The following CDH13 variants were observed in gnomAD, a reference collection of about 807,000 sequenced individuals.
CDH13 encodes the protein cadherin 13.
Under a neutral mutation model 63.8 loss-of-function variants are expected in CDH13, and 24 were observed. That is an observed-to-expected ratio of 0.38 (90% CI 0.27 to 0.53). The LOEUF is 0.53. Ranked by LOEUF, CDH13 falls within the 20% of genes least tolerant of loss-of-function variation. The pLI is 0.85. For missense variants in CDH13, 1,049 were observed against 903.1 expected (o/e 1.16, Z -2.07); for synonymous variants, 503 against 355.3 (o/e 1.42, Z -4.67).
chr16:82,633,172 C>G (rs762868582), intron 1 of CDH13, among the ~76,000 whole-genome samples: 2 of 152,186 alleles, frequency 1.3e-5, no homozygotes, highest in Non-Finnish European at 2.9e-5. Flanking sequence ...CCCTGCTCTA[C>G]GTAGTGTTCT....
At chr16:83,472,636 C>T (rs1360907237) in intron 6 of CDH13, among the ~76,000 whole-genome samples, 2 of 152,256 alleles carry the variant, frequency 1.3e-5, no homozygotes, top group African/African-American at 4.8e-5. Flanking sequence ...TCTCTTCTGC[C>T]AGGTTGTTTC....
chr16:83,152,751 C>T (rs938176106), intron 4 of CDH13, among the ~76,000 whole-genome samples: 2 of 152,194 alleles, frequency 1.3e-5, no homozygotes, highest in African/African-American at 4.8e-5. Flanking sequence ...AAGTCCTAAC[C>T]TCTGGTCTCT....
At chr16:83,003,962 C>T (rs1172837912) in intron 2 of CDH13, among the ~76,000 whole-genome samples, 2 of 152,124 alleles carry the variant, frequency 1.3e-5, no homozygotes, top group African/African-American at 4.8e-5. Flanking sequence ...ACTGTACTTC[C>T]TTATCGTATT....
intron 3 of CDH13, among the ~76,000 whole-genome samples, chr16:83,125,058 T>G (rs1375185584): frequency 6.6e-6 from 1 of 152,216 alleles, no homozygotes; most frequent in Admixed American, 6.5e-5. Flanking sequence ...TCCAGATTCC[T>G]GACCAGGTGA....
Position 83,522,038 on chromosome 16 carries a change from C to T in CDH13, c.960+35383C>T, listed in dbSNP as rs534657778. Among the ~76,000 whole-genome samples, 8 of 152,300 alleles carry T rather than the reference C, an allele frequency of 5.3e-5. No individual in the cohort carries two copies. In the South Asian group the frequency reaches 1.0e-3, roughly 20 times the overall value. ...CCATCAGCTGTTAAATGCCTGCATT[C>T]GGGTGCCAGGCCACCTTCCTTCCTA... On this transcript the variant is annotated intron_variant, in intron 7 of 13. Coordinates refer to ENST00000567109, the MANE Select transcript of CDH13 (RefSeq NM_001257.5).
intron 2 of CDH13, among the ~76,000 whole-genome samples, chr16:82,862,988 C>T (rs895381660): frequency 2.6e-5 from 4 of 152,154 alleles, no homozygotes; most frequent in African/African-American, 4.8e-5. Flanking sequence ...ATACCTCAGC[C>T]CCAAAGTGGC....
At chr16:83,008,034 GA>G (rs1347663644) in intron 2 of CDH13, among the ~76,000 whole-genome samples, 1 of 152,070 alleles carries the variant, frequency 6.6e-6, no homozygotes, top group African/African-American at 2.4e-5. Flanking sequence ...GTTGCTAAGA[GA>G]AGACACGGAA....
intron 1 of CDH13, among the ~76,000 whole-genome samples, chr16:82,642,468 T>C (rs991255449): frequency 2.0e-5 from 3 of 152,226 alleles, no homozygotes; most frequent in African/African-American, 7.2e-5. Context: ...AGCATTTAAT[T>C]GCAGTATTTA....
At chr16:82,964,984 A>C (rs1179178000) in intron 2 of CDH13, among the ~76,000 whole-genome samples, 4 of 152,238 alleles carry the variant, frequency 2.6e-5, no homozygotes, top group Non-Finnish European at 5.9e-5. Flanking sequence ...CTAAGAAGGA[A>C]GGTGGAAGCA....
At chr16:83,276,194 C>A (rs1434117615) in intron 5 of CDH13, among the ~76,000 whole-genome samples, 1 of 152,132 alleles carries the variant, frequency 6.6e-6, no homozygotes, top group Non-Finnish European at 1.5e-5. Flanking sequence ...ATCACTCCAA[C>A]TCTGAGAACT....
At chr16:82,670,134 C>T (rs573455817) in intron 1 of CDH13, among the ~76,000 whole-genome samples, 1 of 152,280 alleles carries the variant, frequency 6.6e-6, no homozygotes, top group East Asian at 1.9e-4. Flanking sequence ...GTTGGACTGC[C>T]CACTCCAGTG....
intron 7 of CDH13, among the ~76,000 whole-genome samples, chr16:83,553,033 C>T (rs372707428): frequency 4.0e-5 from 6 of 149,946 alleles, no homozygotes; most frequent in African/African-American, 7.4e-5. Context: ...GAGCTGAGAT[C>T]GCGTCACTGC....
intron 2 of CDH13, among the ~76,000 whole-genome samples, chr16:83,022,537 T>A (rs1326883056): frequency 6.6e-6 from 1 of 152,222 alleles, no homozygotes. Context: ...CGGCAGATGC[T>A]ACAACTCGAG....
chr16:83,514,044 T>C (rs78568988), intron 7 of CDH13, among the ~76,000 whole-genome samples: 3,470 of 152,288 alleles, frequency 0.023, 139 homozygotes, highest in African/African-American at 0.078. Flanking sequence ...AACTATCTTG[T>C]GTGCCTCGTA....
At chr16:82,680,324 G>A (rs551335142) in intron 1 of CDH13, among the ~76,000 whole-genome samples, 1 of 152,142 alleles carries the variant, frequency 6.6e-6, no homozygotes, top group Non-Finnish European at 1.5e-5. Context: ...ATCAAGAGTC[G>A]AGGCACCCTC....
intron 3 of CDH13, among the ~76,000 whole-genome samples, chr16:83,048,583 C>T (rs568232390): frequency 1.3e-5 from 2 of 152,312 alleles, no homozygotes; most frequent in South Asian, 2.1e-4. Context: ...CTTGCGGGTT[C>T]CTCTGCTGAG....
chr16:83,041,981 C>T (rs891096209), intron 3 of CDH13, among the ~76,000 whole-genome samples: 1 of 152,190 alleles, frequency 6.6e-6, no homozygotes, highest in African/African-American at 2.4e-5. Context: ...CTTTCCTGAT[C>T]TCACACGTTC....
chr16:83,775,074 T>G (rs16961723), intron 11 of CDH13, among the ~76,000 whole-genome samples: 2,777 of 151,874 alleles, frequency 0.018, 93 homozygotes, highest in African/African-American at 0.048. Flanking sequence ...CCTGTAAGAC[T>G]CAAGCTATGT....
At chr16:82,653,497 A>G (rs1910963754) in intron 1 of CDH13, among the ~76,000 whole-genome samples, 1 of 152,196 alleles carries the variant, frequency 6.6e-6, no homozygotes, top group Non-Finnish European at 1.5e-5. Context: ...GGCACTGAGT[A>G]AAATGGGACT....
Sources: allele counts gnomAD v4.1 joint callset (sites outside exome capture counted in the v4.1 genomes callset), GRCh38; gene constraint gnomAD v4.1.1; transcripts MANE v1.5; gene names NCBI Gene and HGNC (gene_info 2026-07-23, HGNC 2026-07-21).